Variants in RGL2 observed in about 807,000 individuals in gnomAD.
The protein encoded by RGL2 is ral guanine nucleotide dissociation stimulator-like 2.
RGL2 carries 40 observed loss-of-function variants against 84.6 expected under a neutral mutation model. That is an observed-to-expected ratio of 0.47 (90% CI 0.37 to 0.62). The LOEUF (loss-of-function observed/expected upper bound fraction) is 0.62. Among genes scored for constraint, RGL2 ranks in the 20% least tolerant of loss-of-function variants. The pLI, the probability that RGL2 is intolerant of heterozygous loss-of-function variation, is 0.00. For missense variants in RGL2, 865 were observed against 1,019.7 expected (o/e 0.85, Z 2.07); for synonymous variants, 369 against 417.3 (o/e 0.88, Z 1.41).
chr6:33,292,706 A>C (rs929503195), intron 16 of RGL2, among the ~76,000 whole-genome samples, 162 bp from the exon 17 acceptor site: 16 of 152,236 alleles, frequency 1.1e-4, no homozygotes, highest in Non-Finnish European at 2.1e-4. Flanking sequence ...AAGCCAGCCC[A>C]CATGGTGCCC....
rs1767920431 is a variant in RGL2 at position 33,296,107 on chromosome 6, C to T, written c.689G>A (p.Gly230Asp). 2 of 1,613,878 alleles carry T rather than the reference C, an allele frequency of 1.2e-6. No homozygotes were observed. Among genetic ancestry groups the T allele is most frequent in the Non-Finnish European group, 1.7e-6 (2 of 1,179,980 alleles). ...PDLPKPLALP[G>D]DPPADPTDVL... is the part of the protein sequence containing the mutation. ...ATCCGTGGGGTCAGCAGGGGGATCGCCGGGGAGGGCCAGGGGCTTAGGAAG... is the reference window on the plus strand; with the variant it reads ...ATCCGTGGGGTCAGCAGGGGGATCGTCGGGGAGGGCCAGGGGCTTAGGAAG... The change falls in exon 6 of 18, where the codon GGC (glycine) becomes GAC (aspartate). Residue 230 changes from glycine (G) to aspartate (D), a missense_variant. By Grantham distance (94) the Gly-to-Asp change is moderately conservative (BLOSUM62 -1). Around this residue, in one of 5 missense-constraint regions of RGL2, gnomAD observed 455 missense variants for 507.8 expected, o/e 0.90. Transcript: ENST00000497454. This position sits in a 1 kb window ranked among gnomAD's most constrained non-coding sequence, Gnocchi z 5.0.
In RGL2 at chr6:33,292,474, A is replaced by G; in HGVS notation, c.2078T>C (p.Val693Ala). Reference sequence around the variant, plus strand: ...CTGTACCAGCTCATACTCTGAAGCCACTGCAGAGTCACGATTGTTTTTCTT... The same window carrying G: ...CTGTACCAGCTCATACTCTGAAGCCGCTGCAGAGTCACGATTGTTTTTCTT... ...VLKKNNRDSA[V>A]ASEYELVQLL... The change falls in exon 17 of 18, where the codon GTG (valine) becomes GCG (alanine). Residue 693 changes from valine to alanine, a missense_variant. Transcript: ENST00000497454. 6.2e-7 allele frequency: 1 copy of G among 1,614,112 alleles called. No individual in the cohort carries two copies. The highest frequency in any genetic ancestry group is 1.3e-5 in the African/African-American group (1 of 75,020).
Position 33,294,876 on chromosome 6 carries a change from C to G in RGL2, c.1278+101G>C. 1 of 1,486,936 alleles carries G rather than the reference C, an allele frequency of 6.7e-7. No individual in the cohort carries two copies. Among genetic ancestry groups the G allele is most frequent in the East Asian group, 2.5e-5 (1 of 40,658 alleles). The allele number at this position is 1,486,936 out of a possible 1,614,324, so 92.1% of individuals were successfully genotyped here. On this transcript the variant is annotated intron_variant, in intron 10 of 17. Coordinates refer to ENST00000497454, the MANE Select transcript of RGL2 (RefSeq NM_004761.5). This position sits in a 1 kb window ranked among gnomAD's most constrained non-coding sequence, Gnocchi z 5.0. ...AACAGATTTCATTCTCCTCACCCCT[C>G]TGTGCCTCCCTTACCCATCCTTCAG...
Position 33,294,112 on chromosome 6 carries a change from C to T in RGL2, c.1354-46G>A, listed in dbSNP as rs758153675. ...GGGTGAAAGTTCCAACCCTACCTTC[C>T]GGCCACAGAGAGAGAATATCCCCTC... On this transcript the variant is annotated intron_variant, in intron 11 of 17. Transcript: ENST00000497454. The surrounding 1 kb of genome is among the most constrained non-coding windows in gnomAD (Gnocchi z 5.0). 15 of 1,589,468 alleles carry T rather than the reference C, an allele frequency of 9.4e-6. No individual in the cohort carries two copies. The highest frequency in any genetic ancestry group is 5.7e-5 in the South Asian group (5 of 88,010).
Position 33,293,383 on chromosome 6 carries a change from G to A in RGL2, c.1716+30C>T, listed in dbSNP as rs200863243. The A allele has an allele frequency of 2.2e-5, 35 of 1,604,510 alleles. No individual in the cohort carries two copies. In the Middle Eastern group the frequency reaches 6.7e-4, roughly 31 times the overall value. On this transcript the variant is annotated intron_variant, in intron 15 of 17. Coordinates refer to ENST00000497454, the MANE Select transcript of RGL2 (RefSeq NM_004761.5). The surrounding 1 kb of genome is among the most constrained non-coding windows in gnomAD (Gnocchi z 7.0). ...AAACATTTACAGAGTGAGGGTCAGCGTCAAGGTCAGAGTCAGGAGCAGAGC... is the reference window on the plus strand; with the variant it reads ...AAACATTTACAGAGTGAGGGTCAGCATCAAGGTCAGAGTCAGGAGCAGAGC...
Position 33,295,017 on chromosome 6 carries a change from G to A in RGL2, c.1238C>T (p.Pro413Leu), listed in dbSNP as rs1373954856. The A allele has an allele frequency of 6.3e-7, 1 of 1,584,534 alleles. No homozygotes were observed. The highest frequency in any genetic ancestry group is 1.8e-5 in the Admixed American group (1 of 56,788). ...QEVKLQSPLE[P>L]HSKKAPRSGS... ...AGACCTCGGGGCCTTCTTGGAGTGTGGCTCCAGAGGAGACTGCAGCTTCAC... is the reference window on the plus strand; with the variant it reads ...AGACCTCGGGGCCTTCTTGGAGTGTAGCTCCAGAGGAGACTGCAGCTTCAC... Residue 413 changes from proline to leucine, a missense_variant, in exon 10 of 18, where the codon CCA (proline) becomes CTA (leucine). Pro to Leu is a moderately conservative substitution (Grantham distance 98). Around this residue, in one of 5 missense-constraint regions of RGL2, gnomAD observed 455 missense variants for 507.8 expected, o/e 0.90. Transcript: ENST00000497454. The surrounding 1 kb of genome is among the most constrained non-coding windows in gnomAD (Gnocchi z 7.2).
chr6:33,294,132 C>T lies in RGL2; in HGVS notation c.1354-66G>A. ...CCTTCCGGCCACAGAGAGAGAATATCCCCTCTCTTAAACACACACAGCCAC... is the reference window on the plus strand; with the variant it reads ...CCTTCCGGCCACAGAGAGAGAATATTCCCTCTCTTAAACACACACAGCCAC... On this transcript the variant is annotated intron_variant, in intron 11 of 17. Coordinates refer to ENST00000497454, the MANE Select transcript of RGL2 (RefSeq NM_004761.5). This position sits in a 1 kb window ranked among gnomAD's most constrained non-coding sequence, Gnocchi z 5.0. 1 of 1,550,802 alleles carries T rather than the reference C, an allele frequency of 6.4e-7. No homozygotes were observed.
Position 33,295,874 on chromosome 6 carries a change from G to T in RGL2, c.769-115C>A. The T allele has an allele frequency of 6.9e-7, 1 of 1,449,264 alleles. No homozygotes were observed. The highest frequency in any genetic ancestry group is 1.2e-5 in the South Asian group (1 of 80,140). 89.8% of individuals were successfully genotyped at this position (1,449,264 alleles called of 1,614,324 possible). A position where few individuals can be genotyped will look rare whatever the true frequency, so the allele number is the denominator to read the frequency against. ...AACCAGAGGGGCACAGGGTTTGAAG[G>T]GTAACGACCAAAGGGAAAAGGGGAG... On this transcript the variant is annotated intron_variant, in intron 6 of 17. Transcript: ENST00000497454. The surrounding 1 kb of genome is among the most constrained non-coding windows in gnomAD (Gnocchi z 7.2).
At chr6:33,301,515 A>G (rs940085298), upstream of RGL2, 2 of 507,476 alleles carry the variant, frequency 3.9e-6, no homozygotes, top group Non-Finnish European at 7.0e-6. Context: ...CGGAGGTTGC[A>G]GTAAGCCAAG....
upstream of RGL2, chr6:33,301,573 C>CAAAAAA (rs11350807): frequency 5.2e-6 from 2 of 385,294 alleles, no homozygotes; most frequent in African/African-American, 5.6e-5. Flanking sequence ...GACTCCGTCT[C>CAAAAAA]AAAAAAAAAA....
At position 33,294,702 on chromosome 6, in the gene RGL2, T is replaced by C; in HGVS notation, c.1339A>G (p.Lys447Glu). The C allele has an allele frequency of 6.2e-7, 1 of 1,614,040 alleles. No homozygotes were observed. Among genetic ancestry groups the C allele is most frequent in the Non-Finnish European group, 8.5e-7 (1 of 1,180,020 alleles). The change falls in exon 11 of 18, where the codon AAG (lysine) becomes GAG (glutamate). Residue 447 changes from lysine (K) to glutamate (E), a missense_variant. Physicochemically the swap from Lys to Glu is moderately conservative, Grantham distance 56. This residue lies in a region of RGL2 where 75 missense variants were observed against 130.8 expected (regional missense o/e 0.57). Transcript: ENST00000497454. The surrounding 1 kb of genome is among the most constrained non-coding windows in gnomAD (Gnocchi z 5.0). Reference sequence around the variant, plus strand: ...ACACCACTGACCTCCAACTCATCCTTGGAGGCTGCATCCAGCATCACAAGG... The same window carrying C: ...ACACCACTGACCTCCAACTCATCCTCGGAGGCTGCATCCAGCATCACAAGG... ...KDLVMLDAASKDELENGYINF... is the reference protein window; with the variant it reads ...KDLVMLDAASEDELENGYINF...
At position 33,296,192 on chromosome 6, in the gene RGL2, C is replaced by A. The variant is rs370141819; in HGVS notation, c.604G>T (p.Gly202Trp). The change falls in exon 6 of 18, where the codon GGG (glycine) becomes TGG (tryptophan). Residue 202 changes from glycine (G) to tryptophan (W), a missense_variant. Physicochemically the swap from Gly to Trp is radical, Grantham distance 184. Coordinates refer to ENST00000497454, the MANE Select transcript of RGL2 (RefSeq NM_004761.5). This position sits in a 1 kb window ranked among gnomAD's most constrained non-coding sequence, Gnocchi z 5.0. ...TTGCGGATGAGGTCAGCGCTGCCCC[C>A]CCCAACACCCTTCCCTGCTGCATAC... ...TGYAAGKGVG[G>W]GSADLIRNLR... is the part of the protein sequence containing the mutation. The A allele has an allele frequency of 5.0e-6, 8 of 1,613,938 alleles. No individual in the cohort carries two copies. Among genetic ancestry groups the A allele is most frequent in the East Asian group, 4.5e-5 (2 of 44,876 alleles).
rs1767579445 is a variant in RGL2, at chr6:33,293,065, C to T, written c.1958G>A (p.Arg653Gln). 5 of 1,614,210 alleles carry T rather than the reference C, an allele frequency of 3.1e-6. No homozygotes were observed. The highest frequency in any genetic ancestry group is 1.1e-5 in the South Asian group (1 of 91,088). Residue 653 changes from arginine (R) to glutamine (Q), a missense_variant, in exon 16 of 18, where the codon CGA becomes CAA. Arg to Gln is a conservative substitution (Grantham distance 43). Transcript: ENST00000497454. This position sits in a 1 kb window ranked among gnomAD's most constrained non-coding sequence, Gnocchi z 7.0. Reference sequence around the variant, plus strand: ...ATCTTCCCCCAACTCCATCTGGACTCGGATGATACGGCAATCAGAGGCCCC... The same window carrying T: ...ATCTTCCCCCAACTCCATCTGGACTTGGATGATACGGCAATCAGAGGCCCC... Reference protein sequence around the residue: ...GPGASDCRIIRVQMELGEDGS... With the variant: ...GPGASDCRIIQVQMELGEDGS...
At chr6:33,300,161 G>C (rs1414521983), upstream of RGL2, 1 of 153,862 alleles carries the variant, frequency 6.5e-6, no homozygotes, top group Non-Finnish European at 1.5e-5. Context: ...AGCATTGAGA[G>C]GAGGTCTGGC....
At chr6:33,301,587 AAAG>A, upstream of RGL2, 1 of 637,878 alleles carries the variant, frequency 1.6e-6, no homozygotes, top group Non-Finnish European at 2.7e-6. Context: ...AAAAAAAAAA[AAAG>A]AAAAATTATC....
At position 33,298,795 on chromosome 6, in the gene RGL2, T is replaced by G; in HGVS notation, c.-42+75A>C. On this transcript the variant is annotated intron_variant, in intron 1 of 17. Coordinates refer to ENST00000497454, the MANE Select transcript of RGL2 (RefSeq NM_004761.5). This position sits in a 1 kb window ranked among gnomAD's most constrained non-coding sequence, Gnocchi z 4.8. The stretch of plus-strand genomic sequence containing the variant: ...GGGAGGGGGCAACAGAAGGGTGGAA[T>G]AGGGGGGCCCTTGGTGCTGTTGGGG... The G allele has an allele frequency of 2.7e-5, 9 of 332,546 alleles. No individual in the cohort carries two copies. The highest frequency in any genetic ancestry group is 5.6e-5 in the Admixed American group (1 of 17,768). 20.6% of individuals were successfully genotyped at this position (332,546 alleles called of 1,614,324 possible).
rs147310353 is a variant in RGL2, at chr6:33,292,294, C to T, written c.2142G>A (p.Ser714=). Residue 714 remains serine (S), a synonymous_variant, in exon 18 of 18, where the codon TCG becomes TCA. Transcript: ENST00000497454. ...PGERELTIPA[S]ANVFYAMDGA... ...CATCCATGGCGTAGAATACATTAGC[C>T]GAGGCTGGGATAGTCAGCTCTGAAG... The T allele has an allele frequency of 5.0e-6, 8 of 1,613,914 alleles. No individual in the cohort carries two copies. The highest frequency in any genetic ancestry group is 3.3e-5 in the Admixed American group (2 of 59,994).
rs1768016277 is a variant in RGL2, at chr6:33,296,807, C to G, written c.241-31G>C. On this transcript the variant is annotated intron_variant, in intron 3 of 17. Transcript: ENST00000497454. This position sits in a 1 kb window ranked among gnomAD's most constrained non-coding sequence, Gnocchi z 5.0. ...GAACACAGAGAGATGATCGCTAACC[C>G]TTTCTCCCACTCTGCACCTAGATTT... The G allele has an allele frequency of 1.9e-6, 3 of 1,613,076 alleles. No individual in the cohort carries two copies. Among genetic ancestry groups the G allele is most frequent in the African/African-American group, 1.3e-5 (1 of 74,892 alleles).
In RGL2 at chr6:33,295,702, C is replaced by A. The variant is rs745720146; in HGVS notation, c.826G>T (p.Asp276Tyr). 9 of 1,613,854 alleles carry A rather than the reference C, an allele frequency of 5.6e-6. No individual in the cohort carries two copies. Among genetic ancestry groups the A allele is most frequent in the Middle Eastern group, 1.6e-4 (1 of 6,062 alleles). ...CAGAGGTGAGAATGTCCTGGCCGGTCTCTGTGACCCCACAGGCCTCCCAGG... is the reference window on the plus strand; with the variant it reads ...CAGAGGTGAGAATGTCCTGGCCGGTATCTGTGACCCCACAGGCCTCCCAGG... ...QCLGGLWGHR[D>Y]RPGHSHLCPS... The change falls in exon 7 of 18, where the codon GAC becomes TAC. Residue 276 changes from aspartate to tyrosine, a missense_variant. Asp to Tyr is a radical substitution (Grantham distance 160). Transcript: ENST00000497454. This position sits in a 1 kb window ranked among gnomAD's most constrained non-coding sequence, Gnocchi z 7.2.
Sources: allele counts gnomAD v4.1 joint callset (sites outside exome capture counted in the v4.1 genomes callset), GRCh38; gene constraint gnomAD v4.1.1; regional missense constraint gnomAD v4.1.1; non-coding constraint Gnocchi (gnomAD v3.1); transcripts MANE v1.5; gene names NCBI Gene and HGNC (gene_info 2026-07-23, HGNC 2026-07-21).